FSTL1: variants seen among roughly 807,000 people sequenced by gnomAD.
FSTL1 encodes the protein follistatin like 1.
In FSTL1, 24 loss-of-function variants were observed where a neutral mutation model predicts 45.9. That is an observed-to-expected ratio of 0.52 (90% CI 0.38 to 0.74). FSTL1 has a LOEUF of 0.74. Ranked by LOEUF, FSTL1 falls within the 30% of genes least tolerant of loss-of-function variation. The pLI is 0.00. For missense variants in FSTL1, 340 were observed against 381.8 expected, an observed-to-expected ratio of 0.89 and a Z score of 0.91; for synonymous variants, 120 against 137.6, an observed-to-expected ratio of 0.87 and a Z score of 0.89.
At chr3:120,446,443 G>C (rs4676699) in intron 2 of FSTL1, among the ~76,000 whole-genome samples, 5 of 151,964 alleles carry the variant, frequency 3.3e-5, no homozygotes, top group Admixed American at 6.5e-5. Context: ...AGCCACTTGC[G>C]ATGGCCAGGG....
intron 5 of FSTL1, chr3:120,410,693 T>C (rs1241587111): frequency 1.6e-6 from 1 of 606,070 alleles, no homozygotes; most frequent in Non-Finnish European, 3.1e-6. Flanking sequence ...TTCCTGTTTA[T>C]GCAGTTCAAT....
intron 2 of FSTL1, among the ~76,000 whole-genome samples, chr3:120,442,891 G>A (rs1252333378): frequency 5.3e-5 from 7 of 132,424 alleles, no homozygotes; most frequent in Admixed American, 4.4e-4. Flanking sequence ...CCCCCAGAAC[G>A]GTCACAAGGT....
intron 2 of FSTL1, among the ~76,000 whole-genome samples, chr3:120,433,727 T>C (rs984568851): frequency 2.6e-5 from 4 of 152,216 alleles, no homozygotes; most frequent in Middle Eastern, 3.4e-3. Flanking sequence ...ACCACTTAGA[T>C]TGAGTGGTCA....
chr3:120,398,959 T>C (rs1027801876), intron 10 of FSTL1, among the ~76,000 whole-genome samples: 4 of 152,246 alleles, frequency 2.6e-5, no homozygotes, highest in African/African-American at 7.2e-5. Context: ...ATGAGATTTC[T>C]ATACTATCAG....
chr3:120,434,158 C>T (rs1051442278), intron 2 of FSTL1, among the ~76,000 whole-genome samples: 11 of 151,908 alleles, frequency 7.2e-5, no homozygotes, highest in African/African-American at 1.5e-4. Context: ...AGGGTGGTGG[C>T]GGTGGGGACA....
At chr3:120,419,012 AG>A (rs2107659618) in intron 2 of FSTL1, 1 of 152,396 alleles carries the variant, frequency 6.6e-6, no homozygotes, top group African/African-American at 2.4e-5. Context: ...GCCCGTTTGA[AG>A]AGCACACAGA....
At chr3:120,400,001 A>G in intron 9 of FSTL1, 42 bp from the exon 10 acceptor site, 1 of 1,376,386 alleles carries the variant, frequency 7.3e-7, no homozygotes, top group South Asian at 1.2e-5. Context: ...CAGCTGTGGT[A>G]AGCCAGTGAG....
At chr3:120,442,101 T>C (rs1053098745) in intron 2 of FSTL1, among the ~76,000 whole-genome samples, 1 of 151,722 alleles carries the variant, frequency 6.6e-6, no homozygotes, top group Non-Finnish European at 1.5e-5. Context: ...CATTACAGAG[T>C]CAAAAACATA....
intron 2 of FSTL1, among the ~76,000 whole-genome samples, chr3:120,425,525 G>A (rs931465309): frequency 1.1e-4 from 17 of 152,150 alleles, no homozygotes; most frequent in African/African-American, 3.9e-4. Flanking sequence ...GTGTGACATG[G>A]GGCAAGGTGC....
At position 120,443,753 on chromosome 3, in the gene FSTL1, G is replaced by A. The variant is rs995499324; in HGVS notation, c.63+6931C>T. ...GTCCAGGATTATTCAAGGGACATAT[G>A]GGGGTCATACATTCAGACTAATCCT... On this transcript the variant is annotated intron_variant, in intron 2 of 10. Coordinates refer to ENST00000295633, the MANE Select transcript of FSTL1 (RefSeq NM_007085.5). 8.7e-5 allele frequency among the ~76,000 whole-genome samples: 13 copies of A among 149,810 alleles called. 3 individuals carry two copies. Among genetic ancestry groups the A allele is most frequent in the African/African-American group, 3.1e-4 (12 of 39,194 alleles).
At chr3:120,401,849 G>C (rs1936833730) in intron 9 of FSTL1, among the ~76,000 whole-genome samples, 1 of 152,312 alleles carries the variant, frequency 6.6e-6, no homozygotes, top group South Asian at 2.1e-4. Flanking sequence ...TGGGATTATA[G>C]GCATAAGCCA....
chr3:120,403,351 TC>T lies in FSTL1; in HGVS notation c.584del (p.Gly195AspfsTer71). ...PDQENNKLLR[G>X]LCVDALIELS... Reference sequence around the variant, plus strand: ...GTTCAATGAGAGCATCAACACAGAGTCCCCTGAAACAAAACACAGGAGAAAT... The same window carrying T: ...GTTCAATGAGAGCATCAACACAGAGTCCCTGAAACAAAACACAGGAGAAAT... On this transcript the variant is annotated frameshift_variant and splice_region_variant, in exon 8 of 11. Coordinates refer to ENST00000295633, the MANE Select transcript of FSTL1 (RefSeq NM_007085.5). LOFTEE classifies it high-confidence loss of function. 6.3e-7 allele frequency: 1 copy of T among 1,577,294 alleles called. No individual in the cohort carries two copies. The highest frequency in any genetic ancestry group is 8.7e-7 in the Non-Finnish European group (1 of 1,146,724).
intron 2 of FSTL1, among the ~76,000 whole-genome samples, chr3:120,446,523 A>G (rs1259336): frequency 0.6 from 91,995 of 152,128 alleles, 30,385 homozygotes; most frequent in East Asian, 0.79. Flanking sequence ...TTTACACCCC[A>G]ATTTCCAGCA....
rs767998804 is a variant in FSTL1 at position 120,409,669 on chromosome 3, G to T, written c.332-7C>A. The T allele has an allele frequency of 1.9e-6, 3 of 1,613,724 alleles. No homozygotes were observed. The highest frequency in any genetic ancestry group is 1.1e-5 in the South Asian group (1 of 91,036). The stretch of plus-strand genomic sequence containing the variant: ...TTGGACTGATAGCAAACAACTGCAG[G>T]AAAGTGGAGGATGTCAGCTGGAGCA... On this transcript the variant is annotated splice_polypyrimidine_tract_variant and splice_region_variant and intron_variant, in intron 5 of 10. Coordinates refer to ENST00000295633, the MANE Select transcript of FSTL1 (RefSeq NM_007085.5).
intron 3 of FSTL1, among the ~76,000 whole-genome samples, chr3:120,412,213 T>C (rs762393323): frequency 2.6e-5 from 4 of 152,212 alleles, no homozygotes; most frequent in Non-Finnish European, 4.4e-5. Context: ...GGGTCATCTC[T>C]TCTATTCAGT....
chr3:120,450,314 GAA>G (rs1421009607), intron 2 of FSTL1, among the ~76,000 whole-genome samples: 1 of 152,068 alleles, frequency 6.6e-6, no homozygotes, highest in African/African-American at 2.4e-5. Context: ...ACTTGGGAGG[GAA>G]AAGTCCCCAA....
intron 7 of FSTL1, among the ~76,000 whole-genome samples, chr3:120,404,429 T>C (rs940408877): frequency 1.3e-5 from 2 of 152,232 alleles, no homozygotes; most frequent in African/African-American, 4.8e-5. Flanking sequence ...GGCATATATC[T>C]GTAACAGTTA....
In FSTL1 at chr3:120,443,455, A is replaced by C. The variant is rs150598987; in HGVS notation, c.63+7229T>G. 2.4e-4 allele frequency among the ~76,000 whole-genome samples: 36 copies of C among 150,050 alleles called. No individual in the cohort carries two copies. In the East Asian group the frequency reaches 6.7e-3, roughly 28 times the overall value. On this transcript the variant is annotated intron_variant, in intron 2 of 10. Transcript: ENST00000295633. ...TGCCTGACACTTCTGTAGATCCATA[A>C]ATTACACTTATTAACTGTCATTGAA...
chr3:120,422,503 G>A (rs1937297076), intron 2 of FSTL1, among the ~76,000 whole-genome samples: 2 of 152,080 alleles, frequency 1.3e-5, no homozygotes, highest in South Asian at 4.1e-4. Flanking sequence ...CAATAAAGCT[G>A]CTTAAAAATA....
Sources: allele counts gnomAD v4.1 joint callset (sites outside exome capture counted in the v4.1 genomes callset), GRCh38; gene constraint gnomAD v4.1.1; transcripts MANE v1.5; gene names NCBI Gene and HGNC (gene_info 2026-07-23, HGNC 2026-07-21).